The following DLEC1 variants were observed in gnomAD, a reference collection of about 807,000 sequenced individuals.
The protein encoded by DLEC1 is deleted in lung and esophageal cancer protein 1.
Under a neutral mutation model 198.1 loss-of-function variants are expected in DLEC1, and 146 were observed. That is an observed-to-expected ratio of 0.74 (90% CI 0.64 to 0.85). The LOEUF is 0.85. Ranked by LOEUF, DLEC1 falls within the 40% of genes least tolerant of loss-of-function variation. The pLI is 0.00. For missense variants in DLEC1, 2,233 were observed against 2,220.0 expected (o/e 1.01, Z -0.12); for synonymous variants, 897 against 866.8 (o/e 1.03, Z -0.61).
chr3:38,040,558 G>A (rs1700606312), intron 1 of DLEC1, among the ~76,000 whole-genome samples: 1 of 152,160 alleles, frequency 6.6e-6, no homozygotes, highest in Admixed American at 6.5e-5. Flanking sequence ...TGCAGCCAGA[G>A]CCCCTGGCTG....
rs755459233 is a variant in DLEC1 at position 38,122,622 on chromosome 3, C to T, written c.*210C>T. On this transcript the variant is annotated 3_prime_UTR_variant, in exon 37 of 37. Coordinates refer to ENST00000308059, the MANE Select transcript of DLEC1 (RefSeq NM_007335.4). ...CTAACATAAAGGACAGGCCACACCA[C>T]AGCAGAGACCACCACATTGAGATCA... The T allele has an allele frequency of 6.5e-7, 1 of 1,526,756 alleles. No homozygotes were observed. The allele number at this position is 1,526,756 out of a possible 1,614,324, so 94.6% of individuals were successfully genotyped here.
At position 38,045,659 on chromosome 3, in the gene DLEC1, A is replaced by T; in HGVS notation, c.528A>T (p.Val176=). The T allele has an allele frequency of 6.2e-7, 1 of 1,613,912 alleles. No homozygotes were observed. The highest frequency in any genetic ancestry group is 8.5e-7 in the Non-Finnish European group (1 of 1,179,916). Residue 176 remains valine (V), a synonymous_variant, in exon 2 of 37, where the codon GTA becomes GTT. Coordinates refer to ENST00000308059, the MANE Select transcript of DLEC1 (RefSeq NM_007335.4). ...ENERVMSQAG[V]QDLESLVRLP... ...AGCGGGTCATGAGCCAGGCTGGAGT[A>T]CAGGACCTCGAGAGCCTTGTCAGGT...
Position 38,114,435 on chromosome 3 carries a change from C to G in DLEC1, c.3760C>G (p.Gln1254Glu). 1 of 1,614,212 alleles carries G rather than the reference C, an allele frequency of 6.2e-7. No individual in the cohort carries two copies. Among genetic ancestry groups the G allele is most frequent in the Non-Finnish European group, 8.5e-7 (1 of 1,180,024 alleles). Reference sequence around the variant, plus strand: ...GAGGACCACCTCCTACACTATTGACCAGGCCCAGAAGGAACCAGCCATGAG... The same window carrying G: ...GAGGACCACCTCCTACACTATTGACGAGGCCCAGAAGGAACCAGCCATGAG... ...SLRTTSYTIDQAQKEPAMRFG... is the reference protein window; with the variant it reads ...SLRTTSYTIDEAQKEPAMRFG... Residue 1254 changes from glutamine (Q) to glutamate (E), a missense_variant, in exon 26 of 37, where the codon CAG becomes GAG. Gln to Glu is a conservative substitution (Grantham distance 29, BLOSUM62 2). Coordinates refer to ENST00000308059, the MANE Select transcript of DLEC1 (RefSeq NM_007335.4).
chr3:38,094,981 C>A lies in DLEC1; in HGVS notation c.2022C>A (p.Asp674Glu), dbSNP rs1003134431. ...TGGACAGCATCAAGTGCTACCCCGA[C>A]AAGGAGACTGCCTTCTCCATCATGC... is the stretch of plus-strand genomic sequence containing the variant. ...FSMDSIKCYP[D>E]KETAFSIMPR... is the part of the protein sequence containing the mutation. The change falls in exon 13 of 37, where the codon GAC becomes GAA. Residue 674 changes from aspartate (D) to glutamate (E), a missense_variant. By Grantham distance (45) the Asp-to-Glu change is conservative. Transcript: ENST00000308059. 5 of 1,614,144 alleles carry A rather than the reference C, an allele frequency of 3.1e-6. No homozygotes were observed. The South Asian group carries it at 5.5e-5, about 18-fold the overall frequency.
At chr3:38,109,045 A>G (rs1699720115) in intron 21 of DLEC1, among the ~76,000 whole-genome samples, 1 of 152,204 alleles carries the variant, frequency 6.6e-6, no homozygotes. Flanking sequence ...CCTGGCAAAT[A>G]TGGGGATGGC....
Position 38,116,526 on chromosome 3 carries a change from TG to T in DLEC1, c.3933del (p.Pro1312HisfsTer119), listed in dbSNP as rs1559464282. The stretch of plus-strand genomic sequence containing the variant: ...GGCTGGTGGAGCTGCTGGTGTTTTA[TG>T]GGCCACCTTTCCCGCTGCGGGACCA... ...DRLVELLVFY[G>X]PPFPLRDQAG... On this transcript the variant is annotated frameshift_variant, in exon 28 of 37. Coordinates refer to ENST00000308059, the MANE Select transcript of DLEC1 (RefSeq NM_007335.4). LOFTEE classifies it high-confidence loss of function. 1 of 1,614,106 alleles carries T rather than the reference TG, an allele frequency of 6.2e-7. No homozygotes were observed. The highest frequency in any genetic ancestry group is 2.2e-5 in the East Asian group (1 of 44,878).
At chr3:38,074,958 C>T (rs745621432) in intron 6 of DLEC1, among the ~76,000 whole-genome samples, 8 of 151,994 alleles carry the variant, frequency 5.3e-5, no homozygotes, top group South Asian at 2.1e-4. Flanking sequence ...AATTGTTGGG[C>T]GGGTGGGGAA....
At chr3:38,042,755 C>G (rs766276160) in intron 1 of DLEC1, among the ~76,000 whole-genome samples, 5 of 152,114 alleles carry the variant, frequency 3.3e-5, no homozygotes, top group Admixed American at 6.5e-5. Flanking sequence ...CAGGGTTTCA[C>G]TATGTTGGCC....
chr3:38,039,854 A>G (rs989031133), intron 1 of DLEC1, among the ~76,000 whole-genome samples: 2 of 152,256 alleles, frequency 1.3e-5, no homozygotes, highest in Non-Finnish European at 2.9e-5. Context: ...CGTGCGGCAT[A>G]TATCTGTAGC....
At chr3:38,044,975 A>G (rs1166630565) in intron 1 of DLEC1, among the ~76,000 whole-genome samples, 21 of 152,196 alleles carry the variant, frequency 1.4e-4, no homozygotes, top group Admixed American at 1.4e-3. Flanking sequence ...CTGAACTGTG[A>G]TGGGGGCCCA....
intron 11 of DLEC1, 119 bp downstream of exon 11, chr3:38,092,999 A>G (rs893743282): frequency 1.7e-5 from 16 of 947,150 alleles, no homozygotes; most frequent in Middle Eastern, 2.5e-4. Context: ...AGGAGCGCAC[A>G]TTAAGAATGC....
chr3:38,056,863 A>G (rs1031397139), intron 2 of DLEC1, among the ~76,000 whole-genome samples: 1 of 152,222 alleles, frequency 6.6e-6, no homozygotes, highest in Non-Finnish European at 1.5e-5. Flanking sequence ...CATGACTGGG[A>G]ATTTGCAGAA....
intron 34 of DLEC1, among the ~76,000 whole-genome samples, chr3:38,121,187 G>A (rs1417585496): frequency 2.0e-5 from 3 of 152,238 alleles, no homozygotes; most frequent in African/African-American, 7.2e-5. Flanking sequence ...CTGAGGCTGT[G>A]GGATGGTGCA....
chr3:38,122,529 G>C lies in DLEC1; in HGVS notation c.*117G>C, dbSNP rs374161077. 2.3e-5 allele frequency: 37 copies of C among 1,611,480 alleles called. No individual in the cohort carries two copies. Among genetic ancestry groups the C allele is most frequent in the Non-Finnish European group, 3.0e-5 (35 of 1,179,494 alleles). ...TTGGGGACCTGGGGACCTCTGGGCA[G>C]CTCCTGGAATGGAAGAACCCCCTTC... On this transcript the variant is annotated 3_prime_UTR_variant, in exon 37 of 37. Transcript: ENST00000308059.
At chr3:38,059,195 G>A (rs899189483) in intron 2 of DLEC1, among the ~76,000 whole-genome samples, 6 of 152,136 alleles carry the variant, frequency 3.9e-5, no homozygotes, top group South Asian at 2.1e-4. Flanking sequence ...TGTCTCCTTC[G>A]TAGGTCAGGC....
rs376046465 is a variant in DLEC1, at chr3:38,039,249, G to C, written c.24G>C (p.Thr8=). Reference sequence around the variant, plus strand: ...CCATGGAGACCAGGAGCTCCAAAACGCGGAGGTCTTTAGCGTCCCGGACCA... The same window carrying C: ...CCATGGAGACCAGGAGCTCCAAAACCCGGAGGTCTTTAGCGTCCCGGACCA... METRSSK[T]RRSLASRTNE... Residue 8 remains threonine (T), a synonymous_variant, in exon 1 of 37, where the codon ACG becomes ACC. Transcript: ENST00000308059. The C allele has an allele frequency of 9.3e-6, 15 of 1,609,288 alleles. No homozygotes were observed. The South Asian group carries it at 1.3e-4, about 14-fold the overall frequency.
At chr3:38,089,875 A>G (rs1049882906) in intron 10 of DLEC1, among the ~76,000 whole-genome samples, 5 of 152,200 alleles carry the variant, frequency 3.3e-5, no homozygotes, top group African/African-American at 1.2e-4. Context: ...ATACATTTGC[A>G]TGATTAAAAA....
At chr3:38,111,539 C>A in intron 23 of DLEC1, 138 bp from the exon 24 acceptor site, 1 of 751,252 alleles carries the variant, frequency 1.3e-6, no homozygotes, top group Non-Finnish European at 2.1e-6. Flanking sequence ...AACTGACCAG[C>A]TCTCCCCTGG....
chr3:38,088,289 C>T lies in DLEC1; in HGVS notation c.1573-7C>T, dbSNP rs755894906. ...CCACACTGTTGGGTAATCTGCTTTT[C>T]TTTAAGGCCATTGCAACCGTCGGCT... On this transcript the variant is annotated splice_polypyrimidine_tract_variant and splice_region_variant and intron_variant, in intron 9 of 36. Transcript: ENST00000308059. 2 of 1,613,580 alleles carry T rather than the reference C, an allele frequency of 1.2e-6. No individual in the cohort carries two copies. The highest frequency in any genetic ancestry group is 1.7e-6 in the Non-Finnish European group (2 of 1,179,522).
Sources: gnomAD v4.1 joint callset for allele counts (sites outside exome capture counted in the v4.1 genomes callset) on GRCh38, gnomAD v4.1.1 for gene constraint, MANE v1.5 for transcripts, NCBI Gene and HGNC (gene_info 2026-07-23, HGNC 2026-07-21) for gene names.